Variants in NBEAL1 observed in about 807,000 individuals in gnomAD.
NBEAL1 encodes neurobeachin like 1.
A neutral mutation model predicts 351.3 loss-of-function variants in NBEAL1; 273 were observed. The ratio of observed to expected loss-of-function variants is 0.78; its 90% confidence interval spans 0.70 to 0.86. The LOEUF (loss-of-function observed/expected upper bound fraction) is 0.86, where lower values mean the gene tolerates loss of function less well. Among genes scored for constraint, NBEAL1 ranks in the 40% least tolerant of loss-of-function variants. NBEAL1 has a pLI of 0.00. For missense variants in NBEAL1, 2,961 were observed against 3,201.3 expected (o/e 0.92, Z 1.81); for synonymous variants, 1,050 against 1,086.4 (o/e 0.97, Z 0.66).
intron 47 of NBEAL1, among the ~76,000 whole-genome samples, chr2:203,194,860 T>A (rs889543110): frequency 2.6e-5 from 4 of 152,138 alleles, no homozygotes; most frequent in African/African-American, 9.7e-5. Context: ...AAAAATATAA[T>A]TTTTTGATAA....
Position 203,089,579 on chromosome 2 carries a change from A to G in NBEAL1, c.1098+5010A>G, listed in dbSNP as rs1217564653. On this transcript the variant is annotated intron_variant, in intron 10 of 55. Transcript: ENST00000683969. The stretch of plus-strand genomic sequence containing the variant: ...GTCTTATGAAGCTCAAACAAATACA[A>G]TAACTAGAGGCGGGTAGCATTTAAG... 5.3e-5 allele frequency among the ~76,000 whole-genome samples: 8 copies of G among 152,318 alleles called. No homozygotes were observed. In the South Asian group the frequency reaches 1.5e-3, roughly 28 times the overall value.
chr2:203,127,194 T>C (rs1047384310), intron 23 of NBEAL1, among the ~76,000 whole-genome samples: 22 of 152,194 alleles, frequency 1.4e-4, no homozygotes, highest in African/African-American at 5.1e-4. Context: ...ATAAGAAAAC[T>C]GTTACCTCCT....
At chr2:203,123,279 A>G (rs762552535) in intron 19 of NBEAL1, among the ~76,000 whole-genome samples, 2 of 151,880 alleles carry the variant, frequency 1.3e-5, no homozygotes, top group Admixed American at 6.6e-5. Context: ...ATGATATATA[A>G]AGGATTTTTC....
chr2:203,183,247 G>T, intron 43 of NBEAL1, 32 bp from the exon 44 acceptor site: 2 of 1,167,142 alleles, frequency 1.7e-6, no homozygotes, highest in South Asian at 1.4e-5. Context: ...AATCTAAAAT[G>T]ATTTGATACA....
intron 25 of NBEAL1, among the ~76,000 whole-genome samples, chr2:203,131,310 T>C (rs919542855): frequency 3.9e-5 from 6 of 152,150 alleles, no homozygotes; most frequent in African/African-American, 1.4e-4. Flanking sequence ...CTGGCTCCCA[T>C]GTACATGTGA....
chr2:203,076,035 GT>G (rs2061765499), intron 7 of NBEAL1, among the ~76,000 whole-genome samples: 1 of 152,162 alleles, frequency 6.6e-6, no homozygotes, highest in Non-Finnish European at 1.5e-5. Flanking sequence ...GTAATGACAT[GT>G]GCAAAAGGGT....
At chr2:203,024,623 C>A (rs897332729) in intron 2 of NBEAL1, among the ~76,000 whole-genome samples, 1 of 151,154 alleles carries the variant, frequency 6.6e-6, no homozygotes, top group South Asian at 2.1e-4. Context: ...ATATTATTGG[C>A]GGCCTGAGGT....
At chr2:203,206,781 C>T (rs1232600421) in intron 51 of NBEAL1, among the ~76,000 whole-genome samples, 3 of 151,846 alleles carry the variant, frequency 2.0e-5, no homozygotes, top group Non-Finnish European at 4.4e-5. Flanking sequence ...ACATCCACCT[C>T]CCAGCAGCCT....
rs1377654814 is a variant in NBEAL1, at chr2:203,097,575, C to T, written c.1127C>T (p.Ala376Val). The T allele has an allele frequency of 4.1e-6, 4 of 985,228 alleles. No individual in the cohort carries two copies. Among genetic ancestry groups the T allele is most frequent in the Non-Finnish European group, 4.8e-6 (4 of 829,602 alleles). 61.0% of individuals were successfully genotyped at this position (985,228 alleles called of 1,614,324 possible). ...KLFLNANNKVADKNEKDLANK... is the reference protein window; with the variant it reads ...KLFLNANNKVVDKNEKDLANK... ...TTTTTAAATGCTAACAATAAGGTGG[C>T]AGACAAGAACGAGAAAGACCTTGCC... Residue 376 changes from alanine (A) to valine (V), a missense_variant, in exon 11 of 56, where the codon GCA becomes GTA. Coordinates refer to ENST00000683969, the MANE Select transcript of NBEAL1 (RefSeq NM_001378026.1).
At chr2:203,087,371 G>A (rs150014761) in intron 10 of NBEAL1, among the ~76,000 whole-genome samples, 2,317 of 151,940 alleles carry the variant, frequency 0.015, 55 homozygotes, top group African/African-American at 0.053. Context: ...GATTATAGGC[G>A]TGAGCCACCG....
chr2:203,197,709 A>C (rs2065278257), intron 48 of NBEAL1, among the ~76,000 whole-genome samples: 1 of 152,118 alleles, frequency 6.6e-6, no homozygotes, highest in Non-Finnish European at 1.5e-5. Flanking sequence ...GAAGTTCAAG[A>C]CCAGCTTGGG....
chr2:203,074,431 G>A (rs1456733684), intron 7 of NBEAL1, among the ~76,000 whole-genome samples: 1 of 148,656 alleles, frequency 6.7e-6, no homozygotes, highest in Non-Finnish European at 1.5e-5. Context: ...GGGTTCAAGC[G>A]ATTCTAATGT....
intron 19 of NBEAL1, among the ~76,000 whole-genome samples, chr2:203,125,026 G>A (rs1338224263): frequency 6.6e-6 from 1 of 151,992 alleles, no homozygotes; most frequent in Non-Finnish European, 1.5e-5. Flanking sequence ...ATTGCCTAGT[G>A]ACAGTTGTTT....
At chr2:203,146,171 C>G (rs1161585714) in intron 33 of NBEAL1, among the ~76,000 whole-genome samples, 4 of 151,950 alleles carry the variant, frequency 2.6e-5, no homozygotes, top group Non-Finnish European at 5.9e-5. Context: ...TTGACTGACA[C>G]AAATTTCCAA....
Position 203,016,293 on chromosome 2 carries a change from CGGCTGAAAAACTTGGAAAATAAAA to C in NBEAL1, c.-91_-68del. On this transcript the variant is annotated 5_prime_UTR_variant, in exon 2 of 56. An upstream start codon of the reference 5' UTR is lost. Transcript: ENST00000683969. Reference sequence around the variant, plus strand: ...CTTTACTGCTATGAGCTTTACTGAACGGCTGAAAAACTTGGAAAATAAAATGGACATGCTGTAGTCTTGAACATA... The same window carrying C: ...CTTTACTGCTATGAGCTTTACTGAACTGGACATGCTGTAGTCTTGAACATA... The C allele has an allele frequency of 1.2e-6, 1 of 866,918 alleles. No homozygotes were observed. The highest frequency in any genetic ancestry group is 1.7e-6 in the Non-Finnish European group (1 of 579,440). The allele number at this position is 866,918 out of a possible 1,614,324, so 53.7% of individuals were successfully genotyped here.
Position 203,110,414 on chromosome 2 carries a change from C to T in NBEAL1, c.2082+132C>T, listed in dbSNP as rs2062540578. On this transcript the variant is annotated intron_variant, in intron 15 of 55. Transcript: ENST00000683969. ...GGCTGGGCGCAGTGGCACACCTGTA[C>T]GTAATCCCAGCACTTTAGGAGCCCA... 1.3e-5 allele frequency: 12 copies of T among 916,064 alleles called. 1 individual carries two copies. Among genetic ancestry groups the T allele is most frequent in the South Asian group, 7.7e-5 (4 of 51,786 alleles). The allele number at this position is 916,064 out of a possible 1,614,324, so 56.7% of individuals were successfully genotyped here. A position where few individuals can be genotyped will look rare whatever the true frequency, so the allele number is the denominator to read the frequency against.
chr2:203,064,055 G>T (rs966366586), intron 6 of NBEAL1, among the ~76,000 whole-genome samples: 1 of 151,848 alleles, frequency 6.6e-6, no homozygotes, highest in Non-Finnish European at 1.5e-5. Context: ...TGGTTTTTTT[G>T]TTTGTTTGTT....
intron 2 of NBEAL1, among the ~76,000 whole-genome samples, chr2:203,037,663 C>T (rs749535371): frequency 1.3e-5 from 2 of 148,882 alleles, no homozygotes; most frequent in Non-Finnish European, 3.0e-5. Context: ...ATAGACTGCT[C>T]TAGAACTTCA....
chr2:203,109,772 G>A (rs986734062), intron 14 of NBEAL1, among the ~76,000 whole-genome samples: 3 of 152,020 alleles, frequency 2.0e-5, no homozygotes, highest in African/African-American at 7.2e-5. Context: ...TGCCCACCTC[G>A]GCCTGCTAAA....
Sources: gnomAD v4.1 joint callset for allele counts (sites outside exome capture counted in the v4.1 genomes callset) on GRCh38, gnomAD v4.1.1 for gene constraint, MANE v1.5 for transcripts, NCBI Gene and HGNC (gene_info 2026-07-23, HGNC 2026-07-21) for gene names.